NCOA3: variants seen among roughly 807,000 people sequenced by gnomAD.
NCOA3 encodes CBP-interacting protein.
NCOA3 carries 51 observed loss-of-function variants against 158.8 expected under a neutral mutation model. That is an observed-to-expected ratio of 0.32 (90% CI 0.26 to 0.41). The LOEUF (loss-of-function observed/expected upper bound fraction) is 0.41, where lower values mean the gene tolerates loss of function less well. Among genes scored for constraint, NCOA3 ranks in the 10% least tolerant of loss-of-function variants. The probability of loss-of-function intolerance (pLI) is 1.00; values close to 1 mark genes in which losing one functional copy is unlikely to be tolerated. For synonymous variants in NCOA3, 537 were observed against 592.4 expected, an observed-to-expected ratio of 0.91 and a Z score of 1.36; for missense variants, 1,510 against 1,746.6, an observed-to-expected ratio of 0.86 and a Z score of 2.41.
chr20:47,630,457 C>CTTTTTTTTT lies in NCOA3; in HGVS notation c.823+2449_823+2457dup, dbSNP rs10679994. On this transcript the variant is annotated intron_variant, in intron 8 of 22. Transcript: ENST00000371998. ...AGAAAGGATAAATATATGGGCAAGA[C>CTTTTTTTTT]TTTTTTTTTTTTTTTTTTTTTTTGA... 31 of 92,348 alleles carry CTTTTTTTTT rather than the reference C, an allele frequency of 3.4e-4. 2 individuals carry two copies. Among genetic ancestry groups the CTTTTTTTTT allele is most frequent in the East Asian group, 8.0e-4 (2 of 2,504 alleles). 5.7% of individuals were successfully genotyped at this position (92,348 alleles called of 1,614,324 possible).
intron 1 of NCOA3, among the ~76,000 whole-genome samples, chr20:47,506,809 T>G (rs1386193396): frequency 6.6e-6 from 1 of 152,166 alleles, no homozygotes; most frequent in Non-Finnish European, 1.5e-5. Context: ...ATTGATATGT[T>G]CTAGGAAAGG....
intron 1 of NCOA3, among the ~76,000 whole-genome samples, chr20:47,565,408 C>T (rs562186233): frequency 4.6e-5 from 7 of 152,206 alleles, no homozygotes; most frequent in African/African-American, 1.7e-4. Context: ...TGTAACTGCC[C>T]TGCTGTTTTA....
intron 2 of NCOA3, among the ~76,000 whole-genome samples, chr20:47,609,939 G>A (rs2086017586): frequency 6.6e-6 from 1 of 152,078 alleles, no homozygotes; most frequent in Non-Finnish European, 1.5e-5. Context: ...TGGTATAAAT[G>A]TTTAGCTCCA....
chr20:47,645,985 T>C (rs759287585), intron 17 of NCOA3, among the ~76,000 whole-genome samples: 2 of 152,152 alleles, frequency 1.3e-5, no homozygotes, highest in Non-Finnish European at 2.9e-5. Flanking sequence ...AAGAATCAAA[T>C]TGCTGGGTTT....
intron 1 of NCOA3, among the ~76,000 whole-genome samples, chr20:47,517,451 CTTTTTT>C (rs376699406): frequency 2.2e-4 from 29 of 129,296 alleles, no homozygotes; most frequent in African/African-American, 7.5e-4. Flanking sequence ...TTTTCTTTTT[CTTTTTT>C]TTTTTTTTTT....
intron 2 of NCOA3, among the ~76,000 whole-genome samples, chr20:47,588,355 C>T (rs1182521481): frequency 4.6e-5 from 7 of 151,624 alleles, no homozygotes; most frequent in African/African-American, 1.7e-4. Flanking sequence ...AGCTGGTCTC[C>T]AACTCCTGAG....
At chr20:47,596,887 G>A (rs774530214) in intron 2 of NCOA3, among the ~76,000 whole-genome samples, 4 of 152,158 alleles carry the variant, frequency 2.6e-5, no homozygotes, top group African/African-American at 4.8e-5. Flanking sequence ...ACCATACTAA[G>A]CCAAAAGTAA....
chr20:47,522,598 A>G lies in NCOA3; in HGVS notation c.-99+20579A>G, dbSNP rs571674308. Among the ~76,000 whole-genome samples, 68 of 152,168 alleles carry G rather than the reference A, an allele frequency of 4.5e-4. No individual in the cohort carries two copies. The Middle Eastern group carries it at 0.017, about 38-fold the overall frequency. On this transcript the variant is annotated intron_variant, in intron 1 of 22. Coordinates refer to ENST00000371998, the MANE Select transcript of NCOA3 (RefSeq NM_181659.3). ...CTGGAGGAGGCAGTGTTTGATTTGC[A>G]TAGGGCTCGGGATTGGTTTGACTCA...
chr20:47,616,668 T>A (rs773189772), intron 2 of NCOA3, among the ~76,000 whole-genome samples: 1 of 152,178 alleles, frequency 6.6e-6, no homozygotes, highest in Non-Finnish European at 1.5e-5. Flanking sequence ...GCCTTTGAAT[T>A]CTGATAAAAT....
intron 1 of NCOA3, among the ~76,000 whole-genome samples, chr20:47,526,456 T>C (rs1441129884): frequency 1.3e-5 from 2 of 152,276 alleles, no homozygotes; most frequent in African/African-American, 4.8e-5. Flanking sequence ...GCCACTGCAC[T>C]CCAGCCTGGG....
Position 47,635,542 on chromosome 20 carries a change from G to T in NCOA3, c.1333G>T (p.Gly445Trp). The change falls in exon 11 of 23, where the codon GGG becomes TGG. Residue 445 changes from glycine to tryptophan, a missense_variant. Gly to Trp is a radical substitution (Grantham distance 184). Coordinates refer to ENST00000371998, the MANE Select transcript of NCOA3 (RefSeq NM_181659.3). ...CAGTAACATAGCTTCATTGACCCCT[G>T]GGCCAGGCATGCAATCACCATCTTC... ...GSSNIASLTP[G>W]PGMQSPSSYQ... 6.2e-7 allele frequency: 1 copy of T among 1,614,070 alleles called. No individual in the cohort carries two copies. The highest frequency in any genetic ancestry group is 8.5e-7 in the Non-Finnish European group (1 of 1,180,026).
intron 1 of NCOA3, among the ~76,000 whole-genome samples, chr20:47,539,308 A>G (rs919150726): frequency 2.0e-5 from 3 of 152,174 alleles, no homozygotes; most frequent in Non-Finnish European, 2.9e-5. Flanking sequence ...CCATCGTACT[A>G]TATGTAGCCT....
intron 1 of NCOA3, among the ~76,000 whole-genome samples, chr20:47,571,877 G>T (rs1045319697): frequency 5.3e-5 from 8 of 151,652 alleles, no homozygotes; most frequent in African/African-American, 1.9e-4. Flanking sequence ...ACAGGCACAT[G>T]CCACCATGCT....
At chr20:47,651,853 A>G (rs2086799606) in intron 20 of NCOA3, among the ~76,000 whole-genome samples, 1 of 151,216 alleles carries the variant, frequency 6.6e-6, no homozygotes, top group African/African-American at 2.4e-5. Flanking sequence ...TTTTTAATAG[A>G]GACGGGGTTT....
chr20:47,522,210 C>A (rs1201685283), intron 1 of NCOA3, among the ~76,000 whole-genome samples: 2 of 143,590 alleles, frequency 1.4e-5, no homozygotes, highest in Non-Finnish European at 3.0e-5. Flanking sequence ...TCACGCCATT[C>A]TCCTGCCTCA....
chr20:47,539,766 C>A (rs924883887), intron 1 of NCOA3, among the ~76,000 whole-genome samples: 2 of 152,214 alleles, frequency 1.3e-5, no homozygotes, highest in African/African-American at 4.8e-5. Context: ...CTCAAGTGAT[C>A]CGCCTGCCTT....
Position 47,546,170 on chromosome 20 carries a change from G to A in NCOA3, c.-98-37013G>A, listed in dbSNP as rs145448430. On this transcript the variant is annotated intron_variant, in intron 1 of 22. Coordinates refer to ENST00000371998, the MANE Select transcript of NCOA3 (RefSeq NM_181659.3). ...TTTTCCCTGTAAGATCTTCACTAAA[G>A]CCTTTTCTTTCTCATTGTTGGTAAT... 4.6e-4 allele frequency among the ~76,000 whole-genome samples: 70 copies of A among 152,200 alleles called. 1 individual carries two copies. The East Asian group carries it at 0.012, about 27-fold the overall frequency.
At chr20:47,567,967 G>T (rs2085226025) in intron 1 of NCOA3, among the ~76,000 whole-genome samples, 1 of 152,120 alleles carries the variant, frequency 6.6e-6, no homozygotes, top group Non-Finnish European at 1.5e-5. Context: ...GCCTCACAAA[G>T]GATTGGGATT....
chr20:47,641,989 G>T (rs1369466671), intron 16 of NCOA3, among the ~76,000 whole-genome samples: 2 of 152,122 alleles, frequency 1.3e-5, no homozygotes, highest in Admixed American at 6.5e-5. Flanking sequence ...GGGATTGGGG[G>T]TTTAAGCTGT....
Sources: gnomAD v4.1 joint callset for allele counts (sites outside exome capture counted in the v4.1 genomes callset) on GRCh38, gnomAD v4.1.1 for gene constraint, MANE v1.5 for transcripts, NCBI Gene and HGNC (gene_info 2026-07-23, HGNC 2026-07-21) for gene names.